Variants in CCAR1 observed in about 807,000 individuals in gnomAD.
CCAR1 encodes cell division cycle and apoptosis regulator 1.
CCAR1 carries 78 observed loss-of-function variants against 163.8 expected under a neutral mutation model. The observed-to-expected ratio is 0.48, with a 90% CI of 0.40 to 0.57. The LOEUF (loss-of-function observed/expected upper bound fraction) is 0.57, where lower values mean the gene tolerates loss of function less well. CCAR1 is among the 20% of genes least tolerant of loss of function. The pLI, the probability that CCAR1 is intolerant of heterozygous loss-of-function variation, is 0.00. For missense variants in CCAR1, 1,019 were observed against 1,365.2 expected (o/e 0.75, Z 4.00); for synonymous variants, 443 against 460.7 (o/e 0.96, Z 0.49).
chr10:68,783,408 C>T (rs763276836), intron 19 of CCAR1, among the ~76,000 whole-genome samples: 10 of 151,900 alleles, frequency 6.6e-5, no homozygotes, highest in Non-Finnish European at 1.2e-4. Flanking sequence ...CTCCTGACCT[C>T]GTGATCTGTC....
At chr10:68,752,734 A>G (rs1050417743) in intron 10 of CCAR1, among the ~76,000 whole-genome samples, 2 of 152,112 alleles carry the variant, frequency 1.3e-5, no homozygotes, top group Non-Finnish European at 2.9e-5. Flanking sequence ...CACATGTGGT[A>G]GTGCACCCGT....
At chr10:68,777,475 G>A (rs914509274) in intron 19 of CCAR1, among the ~76,000 whole-genome samples, 5 of 152,070 alleles carry the variant, frequency 3.3e-5, no homozygotes, top group Non-Finnish European at 7.3e-5. Context: ...TTGAGGCCAG[G>A]AGTCCCAGAC....
At chr10:68,784,721 T>A (rs1010008232) in intron 19 of CCAR1, among the ~76,000 whole-genome samples, 8 of 152,052 alleles carry the variant, frequency 5.3e-5, no homozygotes, top group African/African-American at 1.7e-4. Flanking sequence ...ACTCATTTTT[T>A]AAATTATTTT....
At chr10:68,761,338 G>A (rs955162275) in intron 16 of CCAR1, 146 bp downstream of exon 16, 4 of 330,026 alleles carry the variant, frequency 1.2e-5, no homozygotes, top group African/African-American at 2.2e-5. Context: ...ACTGAGTCTC[G>A]TTCTGTTGCC....
chr10:68,763,165 A>AT (rs1348101636), intron 16 of CCAR1, among the ~76,000 whole-genome samples: 1 of 151,462 alleles, frequency 6.6e-6, no homozygotes, highest in Admixed American at 6.6e-5. Context: ...TTATTTATTT[A>AT]TTTTGAGACG....
At position 68,756,546 on chromosome 10, in the gene CCAR1, A is replaced by G; in HGVS notation, c.1836+63A>G. 8.0e-7 allele frequency: 1 copy of G among 1,245,260 alleles called. No individual in the cohort carries two copies. The highest frequency in any genetic ancestry group is 1.2e-6 in the Non-Finnish European group (1 of 867,666). 77.1% of individuals were successfully genotyped at this position (1,245,260 alleles called of 1,614,324 possible). ...CACAGGCACAGGAACACAGGCACAA[A>G]TGCACACCACACACTACATAATAAA... is the stretch of plus-strand genomic sequence containing the variant. On this transcript the variant is annotated intron_variant, in intron 14 of 24. Coordinates refer to ENST00000265872, the MANE Select transcript of CCAR1 (RefSeq NM_018237.4). This position sits in a 1 kb window ranked among gnomAD's most constrained non-coding sequence, Gnocchi z 5.1.
chr10:68,727,083 T>G (rs905326727), intron 2 of CCAR1, among the ~76,000 whole-genome samples: 1 of 149,080 alleles, frequency 6.7e-6, no homozygotes, highest in African/African-American at 2.5e-5. Context: ...TGTTTTTTTT[T>G]TTTTGACAGA....
chr10:68,729,925 T>C (rs796366426), intron 2 of CCAR1, among the ~76,000 whole-genome samples: 1,616 of 150,372 alleles, frequency 0.011, 16 homozygotes, highest in South Asian at 0.043. Context: ...TGACTCACTT[T>C]TTTTTTTTAT....
chr10:68,722,550 T>G lies in CCAR1; in HGVS notation c.46T>G (p.Phe16Val). ...GAAGAATCCGCCATGGGCTACTCAG[T>G]TTACAGCCACTGCAGTATCACAGCC... ...GQKNPPWATQ[F>V]TATAVSQPAA... The change falls in exon 2 of 25, where the codon TTT (phenylalanine) becomes GTT (valine). Residue 16 changes from phenylalanine (F) to valine (V), a missense_variant. By Grantham distance (50) the Phe-to-Val change is conservative. Coordinates refer to ENST00000265872, the MANE Select transcript of CCAR1 (RefSeq NM_018237.4). 1 of 1,613,794 alleles carries G rather than the reference T, an allele frequency of 6.2e-7. No individual in the cohort carries two copies. Among genetic ancestry groups the G allele is most frequent in the Non-Finnish European group, 8.5e-7 (1 of 1,179,686 alleles).
At chr10:68,747,328 A>G (rs1407744415) in intron 7 of CCAR1, 46 bp from the exon 8 acceptor site, 1 of 1,594,658 alleles carries the variant, frequency 6.3e-7, no homozygotes, top group Non-Finnish European at 8.6e-7. Flanking sequence ...TGAGTCTTCT[A>G]ATTCACAAAG....
chr10:68,790,020 C>A, intron 24 of CCAR1, 105 bp downstream of exon 24: 1 of 690,026 alleles, frequency 1.4e-6, no homozygotes, highest in Non-Finnish European at 2.3e-6. Context: ...ATTCTAAAAG[C>A]AAATAATGAT....
intron 11 of CCAR1, 133 bp downstream of exon 11, chr10:68,754,210 C>CATAG (rs1372384096): frequency 1.7e-6 from 1 of 582,016 alleles, no homozygotes; most frequent in African/African-American, 1.9e-5. Flanking sequence ...ACTGCTTGAT[C>CATAG]CTATTTTGGT....
At chr10:68,758,503 AGTGT>A (rs71028777) in intron 15 of CCAR1, among the ~76,000 whole-genome samples, 11,484 of 124,438 alleles carry the variant, frequency 0.092, 538 homozygotes, top group South Asian at 0.12. Context: ...CATCCTGGGC[AGTGT>A]GTGTGTGTGT....
intron 19 of CCAR1, among the ~76,000 whole-genome samples, chr10:68,776,304 C>G (rs1398810178): frequency 6.6e-6 from 1 of 150,572 alleles, no homozygotes; most frequent in African/African-American, 2.4e-5. Flanking sequence ...TGGCTCACAT[C>G]TGTAATCCCA....
In CCAR1 at chr10:68,756,262, C is replaced by A. The variant is rs1016004609; in HGVS notation, c.1626-11C>A. Reference sequence around the variant, plus strand: ...AATTTTTTTTCCAACATGCTTCTTCCCTTGCAACAGGTACCGTTTTGCAGA... The same window carrying A: ...AATTTTTTTTCCAACATGCTTCTTCACTTGCAACAGGTACCGTTTTGCAGA... On this transcript the variant is annotated splice_polypyrimidine_tract_variant and intron_variant, in intron 13 of 24. Coordinates refer to ENST00000265872, the MANE Select transcript of CCAR1 (RefSeq NM_018237.4). This position sits in a 1 kb window ranked among gnomAD's most constrained non-coding sequence, Gnocchi z 5.1. The A allele has an allele frequency of 2.5e-6, 4 of 1,607,938 alleles. No individual in the cohort carries two copies. The highest frequency in any genetic ancestry group is 3.4e-6 in the Non-Finnish European group (4 of 1,175,542).
intron 2 of CCAR1, among the ~76,000 whole-genome samples, chr10:68,726,875 A>T (rs1384833889): frequency 1.3e-5 from 2 of 151,642 alleles, no homozygotes; most frequent in Middle Eastern, 3.2e-3. Flanking sequence ...GTGCATCTGT[A>T]ATCCCAGCTA....
chr10:68,753,158 C>A (rs2056355991), intron 10 of CCAR1, among the ~76,000 whole-genome samples: 1 of 150,402 alleles, frequency 6.6e-6, no homozygotes, highest in Admixed American at 6.7e-5. Flanking sequence ...GCCAGATTGA[C>A]CTTTCAGTTC....
intron 2 of CCAR1, among the ~76,000 whole-genome samples, chr10:68,732,793 G>A (rs1003499697): frequency 1.3e-5 from 2 of 152,124 alleles, no homozygotes; most frequent in Non-Finnish European, 2.9e-5. Context: ...AGGCATGGTG[G>A]CATGCGACTG....
rs116239905 is a variant in CCAR1 at position 68,765,679 on chromosome 10, A to T, written c.2107-209A>T. On this transcript the variant is annotated intron_variant, in intron 16 of 24. Transcript: ENST00000265872. The stretch of plus-strand genomic sequence containing the variant: ...TTTCTTATGCTGGGAAATCCAAAAG[A>T]GAGTTAGGAGCCATCAAAGCTTACT... Among the ~76,000 whole-genome samples, 1,245 of 152,240 alleles carry T rather than the reference A, an allele frequency of 8.2e-3. 21 individuals carry two copies. The highest frequency in any genetic ancestry group is 0.029 in the African/African-American group (1,190 of 41,548).
Sources: gnomAD v4.1 joint callset for allele counts (sites outside exome capture counted in the v4.1 genomes callset) on GRCh38, gnomAD v4.1.1 for gene constraint, Gnocchi (gnomAD v3.1) non-coding constraint, MANE v1.5 for transcripts, NCBI Gene and HGNC (gene_info 2026-07-23, HGNC 2026-07-21) for gene names.